Variants in KPNA7 observed in about 807,000 individuals in gnomAD.
KPNA7 encodes karyopherin subunit alpha 7, also known as importin subunit alpha-8.
In KPNA7, 54 loss-of-function variants were observed where a neutral mutation model predicts 53.7. That is an observed-to-expected ratio of 1.01 (90% CI 0.81 to 1.26). The LOEUF is 1.26. Among genes scored for constraint, KPNA7 ranks in the 50% most tolerant of loss-of-function variants. KPNA7 has a pLI of 0.00. For synonymous variants in KPNA7, 276 were observed against 259.3 expected (o/e 1.06, Z -0.62); for missense variants, 640 against 644.5 (o/e 0.99, Z 0.07).
the KPNA7 span, among the ~76,000 whole-genome samples, chr7:99,146,313 G>A: frequency 6.6e-6 from 1 of 152,148 alleles, no homozygotes; most frequent in Non-Finnish European, 1.5e-5. Flanking sequence ...GCTTCTGGAG[G>A]TTTCTGAAAG....
downstream of KPNA7, among the ~76,000 whole-genome samples, chr7:99,171,492 A>T (rs1406298069): frequency 6.6e-6 from 1 of 151,486 alleles, no homozygotes; most frequent in Admixed American, 6.6e-5. Flanking sequence ...CCCAGGCTGG[A>T]GTGCAGTGGC....
At chr7:99,164,548 A>G in the KPNA7 span, among the ~76,000 whole-genome samples, 140 of 152,234 alleles carry the variant, frequency 9.2e-4, 1 homozygote, top group African/African-American at 3.3e-3. Context: ...ATGACGAGTT[A>G]ATGGGTGCAG....
chr7:99,212,989 CA>C (rs1563093463), upstream of KPNA7, among the ~76,000 whole-genome samples: 1 of 151,878 alleles, frequency 6.6e-6, no homozygotes, highest in African/African-American at 2.4e-5. Flanking sequence ...TAACCAATGT[CA>C]AGAGGATCAT....
At chr7:99,151,922 C>T in the KPNA7 span, among the ~76,000 whole-genome samples, 1 of 152,058 alleles carries the variant, frequency 6.6e-6, no homozygotes, top group Non-Finnish European at 1.5e-5. Context: ...CGGTGGCTCA[C>T]GCCTGTAATC....
At chr7:99,187,194 G>A (rs572578012) in intron 7 of KPNA7, among the ~76,000 whole-genome samples, 2 of 152,122 alleles carry the variant, frequency 1.3e-5, no homozygotes, top group African/African-American at 2.4e-5. Context: ...GGAGGCTGAG[G>A]CAAGAGAATT....
intron 6 of KPNA7, among the ~76,000 whole-genome samples, chr7:99,191,305 G>A (rs1290963784): frequency 2.0e-5 from 3 of 151,802 alleles, no homozygotes; most frequent in East Asian, 1.9e-4. Context: ...GTACAGGTGC[G>A]TGCCACCACA....
chr7:99,191,529 T>TC (rs1212835706), intron 6 of KPNA7, among the ~76,000 whole-genome samples: 2 of 152,132 alleles, frequency 1.3e-5, no homozygotes, highest in African/African-American at 4.8e-5. Context: ...CTCCAAAGCC[T>TC]CCCTGCTGCT....
chr7:99,201,573 G>T (rs1790535724), intron 3 of KPNA7, among the ~76,000 whole-genome samples: 1 of 150,874 alleles, frequency 6.6e-6, no homozygotes, highest in Non-Finnish European at 1.5e-5. Context: ...TGAGGCAGAA[G>T]AATTGCTTGA....
In KPNA7 at chr7:99,195,162, T is replaced by A. The variant is rs200308603; in HGVS notation, c.461A>T (p.Glu154Val). The A allele has an allele frequency of 1.2e-3, 1,826 of 1,551,440 alleles. 3 individuals are homozygous for A. Among genetic ancestry groups the A allele is most frequent in the Non-Finnish European group, 1.5e-3 (1,725 of 1,147,008 alleles). ...GTSEQTRAVV[E>V]GGAIQPLIEL... ...AATCAAGGGCTGGATGGCTCCCCCTTCTACCACGGCACGAGTCTGCTCCGA... is the reference window on the plus strand; with the variant it reads ...AATCAAGGGCTGGATGGCTCCCCCTACTACCACGGCACGAGTCTGCTCCGA... The change falls in exon 5 of 11, where the codon GAA (glutamate) becomes GTA (valine). Residue 154 changes from glutamate to valine, a missense_variant. Coordinates refer to ENST00000327442, the MANE Select transcript of KPNA7 (RefSeq NM_001145715.3).
intron 3 of KPNA7, among the ~76,000 whole-genome samples, chr7:99,198,441 A>T (rs1443512459): frequency 6.6e-6 from 1 of 152,190 alleles, no homozygotes; most frequent in Non-Finnish European, 1.5e-5. Flanking sequence ...CATCATGATG[A>T]ATTAGGATTT....
At chr7:99,151,627 A>AT in the KPNA7 span, among the ~76,000 whole-genome samples, 1 of 151,260 alleles carries the variant, frequency 6.6e-6, no homozygotes, top group African/African-American at 2.4e-5. Flanking sequence ...TAAAAAAAAA[A>AT]ATTTTTTTTT....
chr7:99,191,447 A>G (rs374237390), intron 6 of KPNA7, among the ~76,000 whole-genome samples: 5 of 152,100 alleles, frequency 3.3e-5, no homozygotes, highest in South Asian at 2.1e-4. Context: ...TCTCTGCTAT[A>G]TAATTCTACG....
intron 2 of KPNA7, among the ~76,000 whole-genome samples, chr7:99,203,634 T>C (rs959879973): frequency 2.0e-5 from 3 of 152,054 alleles, no homozygotes; most frequent in Admixed American, 6.6e-5. Flanking sequence ...CTAGGATAGA[T>C]GGTGTTGGGG....
chr7:99,218,875 G>A (rs924007190), intron 1 of KPNA7, among the ~76,000 whole-genome samples: 7 of 152,246 alleles, frequency 4.6e-5, no homozygotes, highest in Non-Finnish European at 5.9e-5. Context: ...TACCCAGACA[G>A]AAGGACTCAG....
intron 9 of KPNA7, among the ~76,000 whole-genome samples, chr7:99,180,559 GTC>G (rs746244458): frequency 2.0e-5 from 3 of 148,590 alleles, no homozygotes; most frequent in African/African-American, 7.4e-5. Context: ...GTCTGTCTCT[GTC>G]TCTGTCCATC....
At chr7:99,165,217 T>C in the KPNA7 span, among the ~76,000 whole-genome samples, 1 of 151,796 alleles carries the variant, frequency 6.6e-6, no homozygotes, top group Non-Finnish European at 1.5e-5. Context: ...TCCTGTGCAG[T>C]CACCTAGCAG....
chr7:99,212,170 G>A (rs1418297363), upstream of KPNA7, among the ~76,000 whole-genome samples: 2 of 149,784 alleles, frequency 1.3e-5, no homozygotes, highest in Non-Finnish European at 3.0e-5. Flanking sequence ...GAACAACATT[G>A]CAAGACAGCC....
the KPNA7 span, among the ~76,000 whole-genome samples, chr7:99,164,543 G>A: frequency 7.9e-5 from 12 of 152,010 alleles, no homozygotes; most frequent in Non-Finnish European, 1.8e-4. Context: ...TGTAAATGAC[G>A]AGTTAATGGG....
At chr7:99,157,203 T>C in the KPNA7 span, among the ~76,000 whole-genome samples, 1 of 152,186 alleles carries the variant, frequency 6.6e-6, no homozygotes, top group Non-Finnish European at 1.5e-5. Flanking sequence ...ATTTGCCTTT[T>C]TCTTTTCCAT....
Sources: gnomAD v4.1 joint callset for allele counts (sites outside exome capture counted in the v4.1 genomes callset) on GRCh38, gnomAD v4.1.1 for gene constraint, MANE v1.5 for transcripts, NCBI Gene and HGNC (gene_info 2026-07-23, HGNC 2026-07-21) for gene names.